TARS1: variants seen among roughly 807,000 people sequenced by gnomAD.
The protein encoded by TARS1 is threonine--tRNA ligase 1, cytoplasmic.
Under a neutral mutation model 97.7 loss-of-function variants are expected in TARS1, and 57 were observed. The ratio of observed to expected loss-of-function variants is 0.58; its 90% confidence interval spans 0.47 to 0.73. TARS1 has a LOEUF of 0.73. Among genes scored for constraint, TARS1 ranks in the 30% least tolerant of loss-of-function variants. The probability of loss-of-function intolerance (pLI) is 0.00; values close to 1 mark genes in which losing one functional copy is unlikely to be tolerated. For synonymous variants in TARS1, 312 were observed against 293.7 expected (o/e 1.06, Z -0.64); for missense variants, 806 against 888.3 (o/e 0.91, Z 1.18).
chr5:33,458,640 T>TA lies in TARS1; in HGVS notation c.1061dup (p.Asn354LysfsTer5). The TA allele has an allele frequency of 6.2e-7, 1 of 1,613,386 alleles. No homozygotes were observed. The highest frequency in any genetic ancestry group is 2.2e-5 in the East Asian group (1 of 44,818). On this transcript the variant is annotated frameshift_variant, in exon 10 of 19. Transcript: ENST00000265112. LOFTEE classifies it high-confidence loss of function. Reference sequence around the variant, plus strand: ...TTCTGCCAAAAGGAGCCTACATTTATAATGCACTTATTGAATTCATTAGGG... The same window carrying TA: ...TTCTGCCAAAAGGAGCCTACATTTATAAATGCACTTATTGAATTCATTAGGG...
At chr5:33,448,899 G>C (rs1234742313) in intron 3 of TARS1, among the ~76,000 whole-genome samples, 168 bp downstream of exon 3, 1 of 152,098 alleles carries the variant, frequency 6.6e-6, no homozygotes, top group Non-Finnish European at 1.5e-5. Flanking sequence ...ATGATACAGA[G>C]CTTTGTAGTC....
At chr5:33,463,265 ACT>A (rs968471785) in intron 16 of TARS1, among the ~76,000 whole-genome samples, 1 of 152,072 alleles carries the variant, frequency 6.6e-6, no homozygotes, top group Non-Finnish European at 1.5e-5. Flanking sequence ...AGTAGTGAAA[ACT>A]CTGATTTTTA....
At chr5:33,456,550 AAT>A (rs1742027104) in intron 8 of TARS1, among the ~76,000 whole-genome samples, 3 of 152,174 alleles carry the variant, frequency 2.0e-5, no homozygotes, top group African/African-American at 7.2e-5. Context: ...CTAAATTAAT[AAT>A]TTCCCAAGTT....
chr5:33,446,564 A>G lies in TARS1; in HGVS notation c.138+1160A>G, dbSNP rs1055225299. 3 of 580,512 alleles carry G rather than the reference A, an allele frequency of 5.2e-6. No individual in the cohort carries two copies. The African/African-American group carries it at 5.8e-5, about 11-fold the overall frequency. 36.0% of individuals were successfully genotyped at this position (580,512 alleles called of 1,614,324 possible). A position where few individuals can be genotyped will look rare whatever the true frequency, so the allele number is the denominator to read the frequency against. On this transcript the variant is annotated intron_variant, in intron 2 of 18. Transcript: ENST00000265112. ...GTTTAACGATTGGTCTGGAAAAAAG[A>G]GTGTACAGTGAACTGTCCAAGACCT...
intron 8 of TARS1, 129 bp from the exon 9 acceptor site, chr5:33,457,128 T>C: frequency 1.8e-6 from 2 of 1,088,724 alleles, no homozygotes; most frequent in Non-Finnish European, 2.6e-6. Flanking sequence ...TTTTTGAGGA[T>C]AGAAAACAGC....
intron 4 of TARS1, among the ~76,000 whole-genome samples, chr5:33,454,577 T>A (rs935534666): frequency 1.3e-5 from 2 of 152,226 alleles, no homozygotes; most frequent in Non-Finnish European, 2.9e-5. Context: ...TGAGACATGG[T>A]GCTGTGGGCA....
At position 33,448,525 on chromosome 5, in the gene TARS1, G is replaced by T. The variant is rs1741536423; in HGVS notation, c.139-16G>T. 1 of 1,534,196 alleles carries T rather than the reference G, an allele frequency of 6.5e-7. No homozygotes were observed. The highest frequency in any genetic ancestry group is 8.8e-7 in the Non-Finnish European group (1 of 1,137,798). On this transcript the variant is annotated splice_polypyrimidine_tract_variant and intron_variant, in intron 2 of 18. Transcript: ENST00000265112. ...TTACTGATCATTTATTTCCTGATTT[G>T]TTTGTTGTCTTGCAGTTGAATCCTT... is the stretch of plus-strand genomic sequence containing the variant.
intron 3 of TARS1, among the ~76,000 whole-genome samples, chr5:33,452,959 T>TAA (rs79630452): frequency 2.8e-5 from 4 of 142,740 alleles, no homozygotes; most frequent in African/African-American, 2.6e-5. Flanking sequence ...GCTAAAAAAT[T>TAA]AAAAAAAAAA....
rs554550201 is a variant in TARS1, at chr5:33,457,164, C to G, written c.838-93C>G. On this transcript the variant is annotated intron_variant, in intron 8 of 18. Coordinates refer to ENST00000265112, the MANE Select transcript of TARS1 (RefSeq NM_152295.5). ...CAACTTTGTGCTGCAGAATGAGTAA[C>G]TACTCTAACAAGGCCTCAAAGCAAT... is the stretch of plus-strand genomic sequence containing the variant. 2.7e-5 allele frequency: 39 copies of G among 1,427,334 alleles called. No individual in the cohort carries two copies. The East Asian group carries it at 7.2e-4, about 26-fold the overall frequency. 88.4% of individuals were successfully genotyped at this position (1,427,334 alleles called of 1,614,324 possible). A position where few individuals can be genotyped will look rare whatever the true frequency, so the allele number is the denominator to read the frequency against.
rs76360820 is a variant in TARS1 at position 33,457,167 on chromosome 5, C to T, written c.838-90C>T. ...CTTTGTGCTGCAGAATGAGTAACTA[C>T]TCTAACAAGGCCTCAAAGCAATTGG... is the stretch of plus-strand genomic sequence containing the variant. On this transcript the variant is annotated intron_variant, in intron 8 of 18. Coordinates refer to ENST00000265112, the MANE Select transcript of TARS1 (RefSeq NM_152295.5). 4,406 of 1,465,524 alleles carry T rather than the reference C, an allele frequency of 3.0e-3. 176 individuals are homozygous for T. In the East Asian group the frequency reaches 0.088, roughly 29 times the overall value. The allele number at this position is 1,465,524 out of a possible 1,614,324, so 90.8% of individuals were successfully genotyped here.
chr5:33,465,370 T>A (rs58510147), intron 17 of TARS1, among the ~76,000 whole-genome samples: 41 of 152,284 alleles, frequency 2.7e-4, no homozygotes, highest in African/African-American at 8.2e-4. Flanking sequence ...AAGCTTTTCT[T>A]TTGCGGGGAG....
In TARS1 at chr5:33,461,807, C is replaced by T. The variant is rs536993668; in HGVS notation, c.1629+63C>T. ...CTTGTGGATGAAGAAGATACGACTTCGAAAAAAGTTGGAAAAAAGAAAATC... is the reference window on the plus strand; with the variant it reads ...CTTGTGGATGAAGAAGATACGACTTTGAAAAAAGTTGGAAAAAAGAAAATC... On this transcript the variant is annotated intron_variant, in intron 14 of 18. Transcript: ENST00000265112. The T allele has an allele frequency of 4.5e-5, 72 of 1,592,794 alleles. 1 individual carries two copies. The African/African-American group carries it at 8.2e-4, about 18-fold the overall frequency.
intron 11 of TARS1, 86 bp from the exon 12 acceptor site, chr5:33,460,816 T>G: frequency 1.3e-6 from 2 of 1,513,632 alleles, no homozygotes; most frequent in Admixed American, 2.0e-5. Flanking sequence ...TCAGTGGCTT[T>G]TTGACAACCT....
intron 2 of TARS1, among the ~76,000 whole-genome samples, chr5:33,447,694 A>C (rs1741488155): frequency 2.0e-5 from 3 of 152,260 alleles, no homozygotes; most frequent in African/African-American, 7.2e-5. Context: ...AAGTCATTTT[A>C]TATCTGATAG....
chr5:33,462,292 G>A (rs1742333190), intron 16 of TARS1, 89 bp downstream of exon 16: 1 of 1,194,374 alleles, frequency 8.4e-7, no homozygotes. Flanking sequence ...AGATGGAAAG[G>A]GAGAATGATT....
chr5:33,443,498 CGTTGTTGTT>C lies in TARS1; in HGVS notation c.58-1821_58-1813del, dbSNP rs1328066065. Among the ~76,000 whole-genome samples the C allele has an allele frequency of 3.0e-5, 3 of 99,660 alleles. No homozygotes were observed. In the East Asian group the frequency reaches 8.1e-4, roughly 27 times the overall value. 65.4% of individuals were successfully genotyped at this position (99,660 alleles called of 152,430 possible). ...TTCTTTTTTTTTTTTTTTTTGTTGT[CGTTGTTGTT>C]GTTGAAATGGAGTCTTGCTCTGTCT... On this transcript the variant is annotated intron_variant, in intron 1 of 18. Coordinates refer to ENST00000265112, the MANE Select transcript of TARS1 (RefSeq NM_152295.5).
At chr5:33,459,995 G>A in intron 11 of TARS1, 134 bp downstream of exon 11, 1 of 786,520 alleles carries the variant, frequency 1.3e-6, no homozygotes, top group Non-Finnish European at 1.8e-6. Context: ...CAACATCTTT[G>A]TATTATATCT....
chr5:33,461,345 G>A (rs766084393), intron 13 of TARS1, 50 bp downstream of exon 13: 39 of 1,569,888 alleles, frequency 2.5e-5, no homozygotes, highest in Non-Finnish European at 3.3e-5. Context: ...AAATTGGCTT[G>A]TTCTGAGATG....
chr5:33,448,350 T>C (rs1224076705), intron 2 of TARS1, among the ~76,000 whole-genome samples, 191 bp from the exon 3 acceptor site: 1 of 152,222 alleles, frequency 6.6e-6, no homozygotes, highest in Non-Finnish European at 1.5e-5. Context: ...GAATAGGGCA[T>C]TTAATTCCTT....
Sources: gnomAD v4.1 joint callset for allele counts (sites outside exome capture counted in the v4.1 genomes callset) on GRCh38, gnomAD v4.1.1 for gene constraint, MANE v1.5 for transcripts, NCBI Gene and HGNC (gene_info 2026-07-23, HGNC 2026-07-21) for gene names.